Variants in PRKG1 observed in about 807,000 individuals in gnomAD.
The protein encoded by PRKG1 is cGMP-dependent protein kinase 1.
Under a neutral mutation model 88.1 loss-of-function variants are expected in PRKG1, and 35 were observed. The ratio of observed to expected loss-of-function variants is 0.40; its 90% CI spans 0.30 to 0.53. The LOEUF is 0.53. Among genes scored for constraint, PRKG1 ranks in the 20% least tolerant of loss-of-function variants. PRKG1 has a pLI of 0.59. For synonymous variants in PRKG1, 303 were observed against 292.5 expected, an observed-to-expected ratio of 1.04 and a Z score of -0.37; for missense variants, 540 against 839.8, an observed-to-expected ratio of 0.64 and a Z score of 4.41.
intron 3 of PRKG1, among the ~76,000 whole-genome samples, chr10:51,591,582 A>T (rs945162060): frequency 6.6e-6 from 1 of 152,202 alleles, no homozygotes; most frequent in Non-Finnish European, 1.5e-5. Context: ...CTAATTAACA[A>T]GATACAGTTG....
At chr10:52,129,351 A>G (rs1186380927) in intron 7 of PRKG1, among the ~76,000 whole-genome samples, 1 of 152,218 alleles carries the variant, frequency 6.6e-6, no homozygotes, top group African/African-American at 2.4e-5. Flanking sequence ...AGATATAAAC[A>G]TACATAGTAA....
At position 50,991,870 on chromosome 10, in the gene PRKG1, G is replaced by A. The variant is rs999414575; in HGVS notation, c.266+226G>A. 6.6e-6 allele frequency among the ~76,000 whole-genome samples: 1 copy of A among 152,192 alleles called. No individual in the cohort carries two copies. The highest frequency in any genetic ancestry group is 2.4e-5 in the African/African-American group (1 of 41,466). ...CCGGGCTGGGAAAGGCGAGCTGCAC[G>A]GGGAGACGCGCCCCTGTGGCGTGGG... is the stretch of plus-strand genomic sequence containing the variant. On this transcript the variant is annotated intron_variant, in intron 1 of 17. Transcript: ENST00000401604. The surrounding 1 kb of genome is among the most constrained non-coding windows in gnomAD (Gnocchi z 4.5).
intron 7 of PRKG1, among the ~76,000 whole-genome samples, chr10:52,088,025 A>G (rs1846958990): frequency 6.6e-6 from 1 of 152,186 alleles, no homozygotes; most frequent in Non-Finnish European, 1.5e-5. Context: ...TCTCAAGTGC[A>G]TCCCATACTC....
At chr10:51,360,736 G>A (rs546469824) in intron 2 of PRKG1, among the ~76,000 whole-genome samples, 77 of 151,866 alleles carry the variant, frequency 5.1e-4, no homozygotes, top group African/African-American at 1.5e-3. Context: ...TTGACCTTCC[G>A]CACACTTTAA....
chr10:52,109,907 G>C (rs1847517189), intron 7 of PRKG1, among the ~76,000 whole-genome samples: 1 of 151,880 alleles, frequency 6.6e-6, no homozygotes, highest in South Asian at 2.1e-4. Flanking sequence ...ATCTTCCCGG[G>C]CCATGTCCTG....
intron 3 of PRKG1, among the ~76,000 whole-genome samples, chr10:51,511,525 T>C (rs1260870215): frequency 6.6e-6 from 1 of 152,116 alleles, no homozygotes; most frequent in Non-Finnish European, 1.5e-5. Flanking sequence ...AAATGAACAA[T>C]AAACTTGAGT....
At chr10:51,332,466 A>G (rs1841766412) in intron 2 of PRKG1, among the ~76,000 whole-genome samples, 1 of 152,310 alleles carries the variant, frequency 6.6e-6, no homozygotes, top group South Asian at 2.1e-4. Flanking sequence ...TTTTTAGTAA[A>G]ATTTAGTTTA....
rs570296301 is a variant in PRKG1, at chr10:51,495,000, G to T, written c.592+27164G>T. On this transcript the variant is annotated intron_variant, in intron 3 of 17. Coordinates refer to ENST00000373980, the MANE Select transcript of PRKG1 (RefSeq NM_006258.4). ...TTTGCTGAAAGTCAGGCTCTTTCAG[G>T]AGGGAAGATGAAGATTTTGATGGAG... 5.3e-5 allele frequency among the ~76,000 whole-genome samples: 8 copies of T among 152,254 alleles called. No homozygotes were observed. The East Asian group carries it at 9.7e-4, about 18-fold the overall frequency.
At chr10:51,347,337 C>T (rs769794839) in intron 2 of PRKG1, among the ~76,000 whole-genome samples, 1 of 152,140 alleles carries the variant, frequency 6.6e-6, no homozygotes, top group South Asian at 2.1e-4. Flanking sequence ...CTTTTAACGA[C>T]GGAAAAGCTT....
intron 2 of PRKG1, among the ~76,000 whole-genome samples, chr10:51,278,375 T>C (rs988349158): frequency 6.6e-6 from 1 of 152,236 alleles, no homozygotes; most frequent in Non-Finnish European, 1.5e-5. Context: ...GTTGAGGATT[T>C]TTGCATCAGT....
chr10:52,204,675 C>T (rs773865587), intron 9 of PRKG1, among the ~76,000 whole-genome samples: 1 of 152,150 alleles, frequency 6.6e-6, no homozygotes. Context: ...CTCTTAATCC[C>T]ATCATCTTTG....
intron 2 of PRKG1, among the ~76,000 whole-genome samples, chr10:51,306,020 A>G (rs1841027621): frequency 2.0e-5 from 3 of 152,202 alleles, no homozygotes; most frequent in Non-Finnish European, 1.5e-5. Flanking sequence ...TGTGTACCAT[A>G]TGACAGTTAA....
At chr10:51,662,041 T>C (rs1179195423) in intron 3 of PRKG1, among the ~76,000 whole-genome samples, 3 of 151,836 alleles carry the variant, frequency 2.0e-5, no homozygotes, top group African/African-American at 7.3e-5. Flanking sequence ...AACACTTGGA[T>C]ACAGAGCAGG....
intron 7 of PRKG1, among the ~76,000 whole-genome samples, chr10:52,127,303 G>C (rs1283277628): frequency 1.3e-5 from 2 of 152,160 alleles, no homozygotes; most frequent in African/African-American, 4.8e-5. Context: ...AGGAGAAAAT[G>C]AGTTAGGTTT....
intron 3 of PRKG1, among the ~76,000 whole-genome samples, chr10:51,494,789 C>T (rs61849791): frequency 0.046 from 7,047 of 152,126 alleles, 260 homozygotes; most frequent in Middle Eastern, 0.11. Context: ...TTTGTGACTT[C>T]GAAAATTTAC....
At chr10:52,100,076 G>C (rs12774141) in intron 7 of PRKG1, among the ~76,000 whole-genome samples, 1 of 152,064 alleles carries the variant, frequency 6.6e-6, no homozygotes, top group South Asian at 2.1e-4. Context: ...TTTCAGATTT[G>C]AATCTTGTCC....
intron 1 of PRKG1, among the ~76,000 whole-genome samples, chr10:51,027,584 C>T (rs1843224128): frequency 6.6e-6 from 1 of 152,174 alleles, no homozygotes; most frequent in South Asian, 2.1e-4. Flanking sequence ...AAAATGATCA[C>T]ATTGAGAACA....
At chr10:51,216,393 TA>T (rs1056634863) in intron 2 of PRKG1, among the ~76,000 whole-genome samples, 4 of 152,210 alleles carry the variant, frequency 2.6e-5, no homozygotes, top group African/African-American at 9.6e-5. Flanking sequence ...TTATAATGTT[TA>T]AGTGTTTGGA....
chr10:52,046,981 G>C (rs1434010718), intron 5 of PRKG1: 1 of 152,060 alleles, frequency 6.6e-6, no homozygotes, highest in Non-Finnish European at 1.5e-5. Context: ...TAAATAAATA[G>C]AGTGTCCCGA....
Sources: gnomAD v4.1 joint callset for allele counts (sites outside exome capture counted in the v4.1 genomes callset) on GRCh38, gnomAD v4.1.1 for gene constraint, Gnocchi (gnomAD v3.1) non-coding constraint, MANE v1.5 for transcripts, NCBI Gene and HGNC (gene_info 2026-07-23, HGNC 2026-07-21) for gene names.